Variants in GALK2 observed in about 807,000 individuals in gnomAD.
GALK2 encodes the protein N-acetylgalactosamine kinase.
Under a neutral mutation model 52.4 loss-of-function variants are expected in GALK2, and 36 were observed. The observed-to-expected ratio is 0.69, with a 90% CI of 0.53 to 0.91. The LOEUF (loss-of-function observed/expected upper bound fraction) is 0.91, where lower values mean the gene tolerates loss of function less well. Among genes scored for constraint, GALK2 ranks in the 40% least tolerant of loss-of-function variants. The pLI is 0.00. For synonymous variants in GALK2, 176 were observed against 199.1 expected (o/e 0.88, Z 0.98); for missense variants, 579 against 559.1 (o/e 1.04, Z -0.36).
intron 1 of GALK2, chr15:49,156,558 T>G: frequency 5.8e-6 from 3 of 520,648 alleles, no homozygotes; most frequent in Non-Finnish European, 7.5e-6. Context: ...GTGTCTTCCG[T>G]GCAGCTGAAA....
chr15:49,337,187 ATTTTTCT>A (rs1446015201), intron 3 of GALK2, among the ~76,000 whole-genome samples: 1 of 151,998 alleles, frequency 6.6e-6, no homozygotes, highest in African/African-American at 2.4e-5. Flanking sequence ...GGAATAATTT[ATTTTTCT>A]TTTGAGTATA....
intron 8 of GALK2, among the ~76,000 whole-genome samples, chr15:49,299,021 G>A (rs1472019943): frequency 6.6e-6 from 1 of 152,132 alleles, no homozygotes; most frequent in Non-Finnish European, 1.5e-5. Flanking sequence ...ATTTGGCTGT[G>A]AATCCATCTG....
At chr15:49,208,812 T>A (rs1003127772) in intron 2 of GALK2, among the ~76,000 whole-genome samples, 11 of 152,218 alleles carry the variant, frequency 7.2e-5, no homozygotes, top group African/African-American at 2.7e-4. Flanking sequence ...CTATTAGTAA[T>A]TGTTTTATAA....
intron 7 of GALK2, among the ~76,000 whole-genome samples, chr15:49,288,332 T>G (rs1352763689): frequency 6.6e-6 from 1 of 152,140 alleles, no homozygotes; most frequent in Non-Finnish European, 1.5e-5. Context: ...TGTGGCAACA[T>G]GAGAAGCAGT....
At chr15:49,285,268 C>G (rs2033215072) in intron 7 of GALK2, among the ~76,000 whole-genome samples, 2 of 152,172 alleles carry the variant, frequency 1.3e-5, no homozygotes, top group Non-Finnish European at 2.9e-5. Flanking sequence ...GAAATATTCT[C>G]TTCCTTAGGT....
chr15:49,299,962 C>T (rs2034964068), intron 8 of GALK2, among the ~76,000 whole-genome samples: 1 of 151,646 alleles, frequency 6.6e-6, no homozygotes, highest in Non-Finnish European at 1.5e-5. Flanking sequence ...CTGTTAGGTC[C>T]ATTTGGTCAA....
chr15:49,323,172 C>A (rs1596115785), intron 9 of GALK2, among the ~76,000 whole-genome samples: 1 of 152,172 alleles, frequency 6.6e-6, no homozygotes, highest in African/African-American at 2.4e-5. Flanking sequence ...CCTTCTGAAG[C>A]CTTGTGACTG....
intron 1 of GALK2, among the ~76,000 whole-genome samples, chr15:49,160,010 G>A (rs1386301906): frequency 6.6e-6 from 1 of 151,968 alleles, no homozygotes; most frequent in East Asian, 1.9e-4. Context: ...ACGGTGGCTC[G>A]TGCTTGTAAA....
chr15:49,155,801 G>T, exon 1 of GALK2: 1 of 693,850 alleles, frequency 1.4e-6, no homozygotes, highest in Non-Finnish European at 2.4e-6. Context: ...AGCAACTAAA[G>T]CTGGCAACTG....
chr15:49,366,521 G>A, intron 3 of GALK2: 1 of 1,458,012 alleles, frequency 6.9e-7, no homozygotes, highest in Non-Finnish European at 9.6e-7. Context: ...ATTTTCTAGG[G>A]TACTTGGAAG....
Position 49,328,319 on chromosome 15 carries a change from G to A in GALK2, c.*160G>A. ...AAAGAAATGGTTGAAAGCTCTCTAT[G>A]CTTCATAATGATTCTTTTTCCATCT... On this transcript the variant is annotated 3_prime_UTR_variant, in exon 10 of 10. Transcript: ENST00000560031. 3 of 1,432,606 alleles carry A rather than the reference G, an allele frequency of 2.1e-6. No individual in the cohort carries two copies. The highest frequency in any genetic ancestry group is 1.8e-6 in the Non-Finnish European group (2 of 1,097,292). The allele number at this position is 1,432,606 out of a possible 1,614,324, so 88.7% of individuals were successfully genotyped here.
chr15:49,346,175 T>G (rs951625973), intron 3 of GALK2, among the ~76,000 whole-genome samples: 1 of 152,186 alleles, frequency 6.6e-6, no homozygotes, highest in South Asian at 2.1e-4. Context: ...CCGTTGTTTT[T>G]CAGAAACTTG....
At chr15:49,226,689 CTCTT>C (rs2090153824) in intron 3 of GALK2, 1 of 151,962 alleles carries the variant, frequency 6.6e-6, no homozygotes, top group East Asian at 1.9e-4. Flanking sequence ...CTTATTTGAA[CTCTT>C]TCTTTCTAGA....
At chr15:49,334,152 G>T, downstream of GALK2, 1 of 657,410 alleles carries the variant, frequency 1.5e-6, no homozygotes, top group Non-Finnish European at 1.9e-6. Flanking sequence ...CAGTTTTGTG[G>T]TTTTATGTAA....
In GALK2 at chr15:49,170,251, A is replaced by G; in HGVS notation, c.-72A>G. The G allele has an allele frequency of 1.3e-6, 2 of 1,545,014 alleles. No individual in the cohort carries two copies. The highest frequency in any genetic ancestry group is 1.8e-6 in the Non-Finnish European group (2 of 1,142,600). The stretch of plus-strand genomic sequence containing the variant: ...CGGAAGAAAACGGCTCCTGTCACAG[A>G]AGTCTCGTGATTGCTCTGGGAGCTT... On this transcript the variant is annotated 5_prime_UTR_variant, in exon 1 of 10. Coordinates refer to ENST00000560031, the MANE Select transcript of GALK2 (RefSeq NM_002044.4).
intron 3 of GALK2, among the ~76,000 whole-genome samples, chr15:49,354,420 A>G (rs888066038): frequency 2.6e-5 from 4 of 152,222 alleles, no homozygotes; most frequent in African/African-American, 9.6e-5. Context: ...AGGGCGAGGC[A>G]TTGCCTCACT....
intron 1 of GALK2, among the ~76,000 whole-genome samples, chr15:49,189,189 C>G (rs984427041): frequency 3.9e-5 from 6 of 152,090 alleles, no homozygotes; most frequent in Non-Finnish European, 7.4e-5. Context: ...GAACTCAGCC[C>G]AAAACAATGG....
At chr15:49,348,019 CAA>C (rs67614443) in intron 3 of GALK2, among the ~76,000 whole-genome samples, 882 of 70,054 alleles carry the variant, frequency 0.013, 2 homozygotes, top group Middle Eastern at 0.083. Flanking sequence ...AACTCTGTCT[CAA>C]AAAAAAAAAA....
At chr15:49,325,006 T>A (rs2037225633) in intron 9 of GALK2, among the ~76,000 whole-genome samples, 1 of 152,198 alleles carries the variant, frequency 6.6e-6, no homozygotes, top group South Asian at 2.1e-4. Context: ...TCCCTCTTTT[T>A]CAAGTGTGTA....
Sources: gnomAD v4.1 joint callset for allele counts (sites outside exome capture counted in the v4.1 genomes callset) on GRCh38, gnomAD v4.1.1 for gene constraint, MANE v1.5 for transcripts, NCBI Gene and HGNC (gene_info 2026-07-23, HGNC 2026-07-21) for gene names.